The following ATP10A variants were observed in gnomAD, a reference collection of about 807,000 sequenced individuals.
The protein encoded by ATP10A is ATPase phospholipid transporting 10A (putative).
In ATP10A, 111 loss-of-function variants were observed where a neutral mutation model predicts 147.8. The ratio of observed to expected loss-of-function variants is 0.75; its 90% CI spans 0.64 to 0.88. The LOEUF (loss-of-function observed/expected upper bound fraction) is 0.88, where lower values mean the gene tolerates loss of function less well. Among genes scored for constraint, ATP10A ranks in the 40% least tolerant of loss-of-function variants. The pLI, the probability that ATP10A is intolerant of heterozygous loss-of-function variation, is 0.00. For missense variants in ATP10A, 1,927 were observed against 1,959.0 expected (o/e 0.98, Z 0.31); for synonymous variants, 875 against 841.6 (o/e 1.04, Z -0.69).
chr15:25,707,241 G>A (rs1490313376), intron 12 of ATP10A, among the ~76,000 whole-genome samples: 3 of 152,066 alleles, frequency 2.0e-5, no homozygotes, highest in African/African-American at 7.2e-5. Flanking sequence ...GAAAAAGAGG[G>A]CAAGTGAACA....
chr15:25,716,675 C>A, intron 9 of ATP10A, 55 bp downstream of exon 9: 1 of 1,455,938 alleles, frequency 6.9e-7, no homozygotes, highest in Middle Eastern at 1.8e-4. Context: ...GACTGACAAC[C>A]ATGGCCCGCA....
chr15:25,862,439 C>T (rs999599257), intron 1 of ATP10A: 9 of 666,488 alleles, frequency 1.4e-5, no homozygotes, highest in Non-Finnish European at 2.4e-5. Flanking sequence ...GCATCCAGGG[C>T]GCCCCTTTAG....
At position 25,691,732 on chromosome 15, in the gene ATP10A, C is replaced by T. The variant is rs751916781; in HGVS notation, c.3148G>A (p.Gly1050Ser). The change falls in exon 15 of 21, where the codon GGC becomes AGC. Residue 1050 changes from glycine to serine, a missense_variant. By Grantham distance (56) the Gly-to-Ser change is moderately conservative. Transcript: ENST00000555815. ...GTCTTTACCTGCATACCCTCCTGGC[C>T]GGAGATTCCCACACCCACATCTGCC... ...QVADVGVGISGQEGMQAVMAS... is the reference protein window; with the variant it reads ...QVADVGVGISSQEGMQAVMAS... The T allele has an allele frequency of 7.4e-6, 12 of 1,614,060 alleles. No homozygotes were observed. The highest frequency in any genetic ancestry group is 5.3e-5 in the African/African-American group (4 of 74,908).
chr15:25,833,334 T>C (rs1892445183), intron 1 of ATP10A, among the ~76,000 whole-genome samples: 1 of 152,146 alleles, frequency 6.6e-6, no homozygotes, highest in African/African-American at 2.4e-5. Flanking sequence ...CATGAATGCC[T>C]GCTGGCCATT....
At chr15:25,726,776 G>C (rs2140445474) in intron 4 of ATP10A, among the ~76,000 whole-genome samples, 1 of 150,690 alleles carries the variant, frequency 6.6e-6, no homozygotes, top group East Asian at 2.1e-4. Flanking sequence ...GGGAGGCCGG[G>C]CACGGTGACT....
At chr15:25,731,075 C>A (rs1046447652) in intron 3 of ATP10A, among the ~76,000 whole-genome samples, 1 of 152,188 alleles carries the variant, frequency 6.6e-6, no homozygotes, top group Non-Finnish European at 1.5e-5. Context: ...TTAGTGACAG[C>A]CCTGCTGTCT....
intron 2 of ATP10A, among the ~76,000 whole-genome samples, chr15:25,763,645 GAC>G (rs1409081978): frequency 6.6e-6 from 1 of 152,226 alleles, no homozygotes; most frequent in South Asian, 2.1e-4. Context: ...GACACAGCAA[GAC>G]ACTGATTCTG....
At chr15:25,721,503 C>G (rs1410300698) in intron 7 of ATP10A, among the ~76,000 whole-genome samples, 154 bp downstream of exon 7, 1 of 151,748 alleles carries the variant, frequency 6.6e-6, no homozygotes, top group African/African-American at 2.4e-5. Flanking sequence ...CTGTGACAGC[C>G]ACGTCTTTAT....
chr15:25,728,646 T>G (rs1439276101), intron 3 of ATP10A, among the ~76,000 whole-genome samples: 1 of 152,144 alleles, frequency 6.6e-6, no homozygotes, highest in African/African-American at 2.4e-5. Context: ...CAGTAGAAAA[T>G]AACAAATCGT....
chr15:25,797,683 G>A (rs1415104711), intron 1 of ATP10A, among the ~76,000 whole-genome samples: 2 of 152,308 alleles, frequency 1.3e-5, no homozygotes, highest in African/African-American at 2.4e-5. Flanking sequence ...CAGCTCCACA[G>A]CACGCAGATC....
chr15:25,754,979 T>C (rs1224838677), intron 2 of ATP10A, among the ~76,000 whole-genome samples: 1 of 152,174 alleles, frequency 6.6e-6, no homozygotes, highest in Non-Finnish European at 1.5e-5. Flanking sequence ...AAAAAGCTAA[T>C]GAAAATCTAA....
chr15:25,856,444 G>T (rs1893523066), intron 1 of ATP10A, among the ~76,000 whole-genome samples: 1 of 152,110 alleles, frequency 6.6e-6, no homozygotes, highest in Admixed American at 6.5e-5. Context: ...CCCAGTCTTG[G>T]GTATTTCTTC....
At position 25,802,530 on chromosome 15, in the gene ATP10A, G is replaced by A. The variant is rs1019528983; in HGVS notation, c.450-21307C>T. The stretch of plus-strand genomic sequence containing the variant: ...ACGTTTATGATGTTATCGTTCTGTA[G>A]GTCAGAATTCCAACACAGGGCCCAC... On this transcript the variant is annotated intron_variant, in intron 1 of 20. Coordinates refer to ENST00000555815, the MANE Select transcript of ATP10A (RefSeq NM_024490.4). Among the ~76,000 whole-genome samples the A allele has an allele frequency of 3.9e-5, 6 of 152,178 alleles. No individual in the cohort carries two copies. The East Asian group carries it at 9.6e-4, about 24-fold the overall frequency.
Position 25,679,900 on chromosome 15 carries a change from G to C in ATP10A, c.3941C>G (p.Ser1314Cys), listed in dbSNP as rs748862225. The C allele has an allele frequency of 6.2e-7, 1 of 1,610,364 alleles. No individual in the cohort carries two copies. Among genetic ancestry groups the C allele is most frequent in the Admixed American group, 1.7e-5 (1 of 60,014 alleles). Residue 1314 changes from serine (S) to cysteine (C), a missense_variant, in exon 21 of 21, where the codon TCC (serine) becomes TGC (cysteine). Coordinates refer to ENST00000555815, the MANE Select transcript of ATP10A (RefSeq NM_024490.4). ...TTTGGGAGCACTGCATCTCCTGGGG[G>C]ACTTCCTGGTCAACTGACGTGCCAG... ...LQLARQLTRK[S>C]PRRCSAPKET...
intron 1 of ATP10A, among the ~76,000 whole-genome samples, chr15:25,835,379 T>C (rs900608263): frequency 9.2e-5 from 14 of 152,224 alleles, no homozygotes; most frequent in African/African-American, 3.4e-4. Flanking sequence ...TTGTATACTT[T>C]AACTGGGTGA....
intron 5 of ATP10A, among the ~76,000 whole-genome samples, chr15:25,725,709 G>A (rs532927421): frequency 3.0e-4 from 45 of 151,076 alleles, no homozygotes; most frequent in East Asian, 7.8e-4. Context: ...ATCTCAGCTC[G>A]CTGCAACCTC....
At chr15:25,839,398 GA>G (rs1194939073) in intron 1 of ATP10A, among the ~76,000 whole-genome samples, 1 of 151,966 alleles carries the variant, frequency 6.6e-6, no homozygotes, top group Non-Finnish European at 1.5e-5. Context: ...AGGTCTGGGG[GA>G]AAAAAAGCAA....
At chr15:25,704,435 A>T (rs929064267) in intron 12 of ATP10A, among the ~76,000 whole-genome samples, 3 of 152,212 alleles carry the variant, frequency 2.0e-5, no homozygotes, top group Non-Finnish European at 4.4e-5. Context: ...CTGCTGAGCT[A>T]AAGTCCCTCA....
chr15:25,697,240 T>C (rs1349349485), intron 13 of ATP10A, among the ~76,000 whole-genome samples: 1 of 152,148 alleles, frequency 6.6e-6, no homozygotes, highest in East Asian at 1.9e-4. Flanking sequence ...GACTAGGTCT[T>C]ATAAACACAT....
Sources: allele counts gnomAD v4.1 joint callset (sites outside exome capture counted in the v4.1 genomes callset), GRCh38; gene constraint gnomAD v4.1.1; transcripts MANE v1.5; gene names NCBI Gene and HGNC (gene_info 2026-07-23, HGNC 2026-07-21).